CAST: variants seen among roughly 807,000 people sequenced by gnomAD.
CAST encodes the protein calpastatin, also known as MIR583 host.
A neutral mutation model predicts 119.6 loss-of-function variants in CAST; 76 were observed. That is an observed-to-expected ratio of 0.64 (90% CI 0.53 to 0.77). The LOEUF (loss-of-function observed/expected upper bound fraction) is 0.77. CAST is among the 30% of genes least tolerant of loss of function. The pLI is 0.00. For synonymous variants in CAST, 319 were observed against 331.6 expected (o/e 0.96, Z 0.41); for missense variants, 953 against 946.5 (o/e 1.01, Z -0.09).
chr5:96,561,619 G>T (rs182505817), intron 1 of CAST, among the ~76,000 whole-genome samples: 1 of 151,380 alleles, frequency 6.6e-6, no homozygotes. Context: ...GTAGATGATG[G>T]GTTGATGGGT....
the CAST span, among the ~76,000 whole-genome samples, chr5:96,022,745 G>A: frequency 2.0e-5 from 3 of 152,176 alleles, no homozygotes; most frequent in Non-Finnish European, 4.4e-5. Context: ...GATTGTGGGG[G>A]CTGATAAGTC....
chr5:96,288,338 A>G, the CAST span, among the ~76,000 whole-genome samples: 1 of 152,134 alleles, frequency 6.6e-6, no homozygotes. Context: ...TTTTCTCACC[A>G]ATGCCAGCAT....
chr5:96,561,786 G>GTT lies in CAST; in HGVS notation c.60+31914_60+31915dup, dbSNP rs1554067776. On this transcript the variant is annotated intron_variant, in intron 1 of 11. Transcript: ENST00000505143. ...ATGTATATATGTGTATTATATATATGTTTTTTTTTGTTTTTTTTTTTTTTG... is the reference window on the plus strand; with the variant it reads ...ATGTATATATGTGTATTATATATATGTTTTTTTTTTTGTTTTTTTTTTTTTTG... Among the ~76,000 whole-genome samples the GTT allele has an allele frequency of 7.5e-4, 79 of 105,432 alleles. 2 individuals are homozygous for GTT. Among genetic ancestry groups the GTT allele is most frequent in the African/African-American group, 1.8e-3 (51 of 28,668 alleles). 69.2% of individuals were successfully genotyped at this position (105,432 alleles called of 152,430 possible).
chr5:96,764,719 A>G (rs1769220711), intron 25 of CAST, among the ~76,000 whole-genome samples: 1 of 152,204 alleles, frequency 6.6e-6, no homozygotes, highest in South Asian at 2.1e-4. Context: ...AGAGTTTTAG[A>G]GAGGACCCAC....
intron 1 of CAST, among the ~76,000 whole-genome samples, chr5:96,550,418 C>T (rs762863103): frequency 6.6e-5 from 10 of 152,206 alleles, no homozygotes; most frequent in Non-Finnish European, 1.5e-4. Context: ...AGGTCACCAA[C>T]ATCAAAGACC....
chr5:96,421,834 A>G, the CAST span: 1 of 1,011,448 alleles, frequency 9.9e-7, no homozygotes, highest in Middle Eastern at 2.2e-4. Flanking sequence ...AACAAGATAA[A>G]AGCATTGTAA....
the CAST span, among the ~76,000 whole-genome samples, chr5:96,343,524 T>C: frequency 6.6e-6 from 1 of 152,214 alleles, no homozygotes; most frequent in Non-Finnish European, 1.5e-5. Flanking sequence ...GCAACAGCTA[T>C]GTGCTTTACA....
At chr5:96,746,495 C>T in intron 17 of CAST, 70 bp downstream of exon 17, 2 of 895,956 alleles carry the variant, frequency 2.2e-6, no homozygotes, top group Non-Finnish European at 3.8e-6. Flanking sequence ...TATCTGTACC[C>T]TTGACATTGT....
chr5:96,118,511 G>A, the CAST span, among the ~76,000 whole-genome samples: 1 of 151,998 alleles, frequency 6.6e-6, no homozygotes, highest in Non-Finnish European at 1.5e-5. Flanking sequence ...AGGAAGCCTT[G>A]TTGTCTGGAT....
At chr5:96,757,713 TG>T in intron 24 of CAST, 59 bp downstream of exon 24, 2 of 1,146,874 alleles carry the variant, frequency 1.7e-6, no homozygotes, top group Non-Finnish European at 2.5e-6. Context: ...TCCTTTGAGA[TG>T]GAGTCTTGCT....
At chr5:95,969,689 A>T in the CAST span, among the ~76,000 whole-genome samples, 2 of 152,144 alleles carry the variant, frequency 1.3e-5, no homozygotes, top group Non-Finnish European at 2.9e-5. Context: ...AGCATGAGGA[A>T]TTAAAAGTAA....
the CAST span, among the ~76,000 whole-genome samples, chr5:96,261,141 A>T: frequency 6.6e-6 from 1 of 152,166 alleles, no homozygotes; most frequent in African/African-American, 2.4e-5. Flanking sequence ...GGCTTCATGG[A>T]TGATTCTCAT....
At chr5:96,038,137 T>C in the CAST span, among the ~76,000 whole-genome samples, 2 of 152,192 alleles carry the variant, frequency 1.3e-5, no homozygotes, top group South Asian at 2.1e-4. Flanking sequence ...AAGCTAGTCA[T>C]ACATAGGAGC....
At chr5:96,538,985 T>C (rs1316966880) in intron 1 of CAST, among the ~76,000 whole-genome samples, 2 of 152,202 alleles carry the variant, frequency 1.3e-5, no homozygotes, top group African/African-American at 4.8e-5. Flanking sequence ...CTGAATTGTA[T>C]AGGAAATAGA....
upstream of CAST, among the ~76,000 whole-genome samples, chr5:96,524,534 A>C (rs1745568839): frequency 2.0e-5 from 3 of 152,204 alleles, no homozygotes; most frequent in African/African-American, 7.2e-5. Context: ...CACACATCCC[A>C]TATGGGGACG....
chr5:96,378,310 A>G, the CAST span, among the ~76,000 whole-genome samples: 5 of 152,268 alleles, frequency 3.3e-5, no homozygotes, highest in Admixed American at 1.3e-4. Context: ...TTTTAAGCAG[A>G]TAGGTCTTAA....
chr5:96,724,528 C>T (rs1758893185), intron 4 of CAST, among the ~76,000 whole-genome samples: 1 of 152,030 alleles, frequency 6.6e-6, no homozygotes. Flanking sequence ...GAAGCATCTA[C>T]AAAATAAAAG....
the CAST span, among the ~76,000 whole-genome samples, chr5:95,991,193 G>A: frequency 1.1e-4 from 16 of 152,090 alleles, no homozygotes; most frequent in Admixed American, 2.0e-4. Context: ...CCTATGCTTG[G>A]TCTCTTAAGA....
At chr5:96,635,170 G>A (rs919276792) in intron 1 of CAST, among the ~76,000 whole-genome samples, 6 of 152,178 alleles carry the variant, frequency 3.9e-5, no homozygotes, top group African/African-American at 1.2e-4. Context: ...CCTAGAAATG[G>A]GTCTTGATGT....
Sources: allele counts gnomAD v4.1 joint callset (sites outside exome capture counted in the v4.1 genomes callset), GRCh38; gene constraint gnomAD v4.1.1; transcripts MANE v1.5; gene names NCBI Gene and HGNC (gene_info 2026-07-23, HGNC 2026-07-21).